The following TULP4 variants were observed in gnomAD, a reference collection of about 807,000 sequenced individuals.
TULP4 encodes the protein tubby-related protein 4.
A neutral mutation model predicts 129.0 loss-of-function variants in TULP4; 16 were observed. The observed-to-expected ratio is 0.12, with a 90% CI of 0.08 to 0.19. TULP4 has a LOEUF of 0.19. Among genes scored for constraint, TULP4 ranks in the 10% least tolerant of loss-of-function variants. The pLI is 1.00. For missense variants in TULP4, 1,842 were observed against 2,059.1 expected, an observed-to-expected ratio of 0.89 and a Z score of 2.04; for synonymous variants, 998 against 854.0, an observed-to-expected ratio of 1.17 and a Z score of -2.94.
In TULP4 at chr6:158,444,246, A is replaced by AAAT. The variant is rs1562568657; in HGVS notation, c.544-4750_544-4749insAAT. ...AAAAAAAAAAAAAAAAAAAAAAAAA[A>AAAT]TTTTTTTTTTTTTTTTTTTTAACTT... On this transcript the variant is annotated intron_variant, in intron 3 of 13. Transcript: ENST00000367097. Among the ~76,000 whole-genome samples the AAAT allele has an allele frequency of 7.8e-3, 676 of 86,700 alleles. 6 individuals are homozygous for AAAT. The highest frequency in any genetic ancestry group is 0.012 in the Non-Finnish European group (476 of 40,504). 56.9% of individuals were successfully genotyped at this position (86,700 alleles called of 152,430 possible). A position where few individuals can be genotyped will look rare whatever the true frequency, so the allele number is the denominator to read the frequency against.
chr6:158,446,611 T>G (rs1206861577), intron 3 of TULP4, among the ~76,000 whole-genome samples: 1 of 152,198 alleles, frequency 6.6e-6, no homozygotes, highest in Admixed American at 6.5e-5. Flanking sequence ...GAGGTACTGT[T>G]GAGCAAAGCT....
intron 1 of TULP4, among the ~76,000 whole-genome samples, chr6:158,349,325 G>A (rs1407852205): frequency 2.9e-5 from 4 of 137,450 alleles, no homozygotes. Context: ...CATCCCAGAT[G>A]GGGCGGCCGG....
intron 12 of TULP4, among the ~76,000 whole-genome samples, chr6:158,501,448 C>T (rs978009099): frequency 2.6e-5 from 4 of 152,138 alleles, no homozygotes; most frequent in East Asian, 1.9e-4. Flanking sequence ...GTGAGTTAGT[C>T]GAAAAGTTCT....
In TULP4 at chr6:158,312,622, A is replaced by G. The variant is rs1488784905; in HGVS notation, c.-1395A>G. The stretch of plus-strand genomic sequence containing the variant: ...TATGATGGGACAAGTTTGAATAATG[A>G]ACTGATTCCTTTGCCTATCTTAATT... On this transcript the variant is annotated 5_prime_UTR_variant, in exon 1 of 14. Transcript: ENST00000367097. 1 of 152,668 alleles carries G rather than the reference A, an allele frequency of 6.6e-6. No homozygotes were observed. Among genetic ancestry groups the G allele is most frequent in the Admixed American group, 6.5e-5 (1 of 15,308 alleles). 9.5% of individuals were successfully genotyped at this position (152,668 alleles called of 1,614,324 possible).
chr6:158,483,774 G>A (rs1780002296), intron 8 of TULP4, among the ~76,000 whole-genome samples: 1 of 152,138 alleles, frequency 6.6e-6, no homozygotes, highest in Non-Finnish European at 1.5e-5. Context: ...CATTAGGGCT[G>A]GGGTGGGGCC....
At chr6:158,475,759 G>T (rs1026721019) in intron 6 of TULP4, among the ~76,000 whole-genome samples, 1 of 152,220 alleles carries the variant, frequency 6.6e-6, no homozygotes, top group African/African-American at 2.4e-5. Context: ...CAGGACTAGC[G>T]TTAGTGAACG....
chr6:158,489,052 G>A (rs914330029), intron 8 of TULP4, among the ~76,000 whole-genome samples: 8 of 152,192 alleles, frequency 5.3e-5, no homozygotes, highest in South Asian at 2.1e-4. Context: ...TTTACCAGGC[G>A]GGAGAGCCAG....
chr6:158,257,815 A>G (rs1778276888), intron 1 of TULP4, among the ~76,000 whole-genome samples: 1 of 152,358 alleles, frequency 6.6e-6, no homozygotes, highest in Middle Eastern at 3.4e-3. Context: ...TACGAAATAG[A>G]GAACAACTCA....
chr6:158,493,693 G>A lies in TULP4; in HGVS notation c.1752G>A (p.Glu584=). 1 of 1,587,844 alleles carries A rather than the reference G, an allele frequency of 6.3e-7. No homozygotes were observed. Among genetic ancestry groups the A allele is most frequent in the Non-Finnish European group, 8.6e-7 (1 of 1,168,264 alleles). ...GCTCGCCCAGCCTGACTCGGAGAGA[G>A]TTTCCTTTTGAAGACATCACTCAGG... ...SVGSPSLTRR[E]FPFEDITQHN... Residue 584 remains glutamate (E), a synonymous_variant, in exon 10 of 14, where the codon GAG becomes GAA. Coordinates refer to ENST00000367097, the MANE Select transcript of TULP4 (RefSeq NM_020245.5). The surrounding 1 kb of genome is among the most constrained non-coding windows in gnomAD (Gnocchi z 4.4).
chr6:158,318,230 C>T (rs139946874), intron 1 of TULP4, among the ~76,000 whole-genome samples: 2,006 of 152,178 alleles, frequency 0.013, 50 homozygotes, highest in Admixed American at 0.057. Flanking sequence ...GAAGCTGAGG[C>T]GGGAAGATTG....
Position 158,479,843 on chromosome 6 carries a change from G to A in TULP4, c.1119G>A (p.Arg373=). The change falls in exon 7 of 14, where the codon CGG becomes CGA. Residue 373 remains arginine, a synonymous_variant. Coordinates refer to ENST00000367097, the MANE Select transcript of TULP4 (RefSeq NM_020245.5). ...TGTACGTGGTGCGTGTGGAGCACCG[G>A]GTGTCCAGCCTGCAGCTGCTGTGCC... ...PALYVVRVEH[R]VSSLQLLCQQ... is the part of the protein sequence containing the mutation. 6.2e-7 allele frequency: 1 copy of A among 1,613,974 alleles called. No homozygotes were observed. Among genetic ancestry groups the A allele is most frequent in the Non-Finnish European group, 8.5e-7 (1 of 1,180,010 alleles).
chr6:158,237,902 C>T, intron 1 of TULP4: 1 of 738,978 alleles, frequency 1.4e-6, no homozygotes, highest in Non-Finnish European at 2.5e-6. Context: ...GTATGAATAT[C>T]TTTTGGATTT....
chr6:158,474,378 G>T (rs560053580), intron 6 of TULP4, among the ~76,000 whole-genome samples: 228 of 152,298 alleles, frequency 1.5e-3, no homozygotes, highest in African/African-American at 5.1e-3. Flanking sequence ...GCACTGCCTG[G>T]TTTTCCCTGT....
chr6:158,479,672 G>A (rs1365492946), intron 6 of TULP4, 79 bp from the exon 7 acceptor site: 11 of 1,356,458 alleles, frequency 8.1e-6, no homozygotes, highest in East Asian at 7.1e-5. Context: ...TATTTTGCTC[G>A]AGACAAGTGT....
In TULP4 at chr6:158,474,053, T is replaced by C. The variant is rs140262947; in HGVS notation, c.1027-5698T>C. Among the ~76,000 whole-genome samples the C allele has an allele frequency of 8.1e-4, 122 of 150,248 alleles. 1 individual carries two copies. The highest frequency in any genetic ancestry group is 2.8e-3 in the African/African-American group (115 of 40,556). On this transcript the variant is annotated intron_variant, in intron 6 of 13. Coordinates refer to ENST00000367097, the MANE Select transcript of TULP4 (RefSeq NM_020245.5). The stretch of plus-strand genomic sequence containing the variant: ...CCAAGCTGGTCTTGAATTCCTTGCC[T>C]CAAGCAATCTTCCTGCCTCAGCCTC...
intron 13 of TULP4, among the ~76,000 whole-genome samples, chr6:158,505,572 G>A (rs562317718): frequency 8.5e-5 from 13 of 152,370 alleles, no homozygotes; most frequent in African/African-American, 3.1e-4. Context: ...TCAGGGCAGT[G>A]AGGAAGACAG....
intron 4 of TULP4, among the ~76,000 whole-genome samples, chr6:158,449,913 T>C (rs1779129852): frequency 6.6e-6 from 1 of 152,214 alleles, no homozygotes; most frequent in Non-Finnish European, 1.5e-5. Context: ...ATTGTACATA[T>C]TCATGAGCTA....
chr6:158,326,883 G>A (rs769729359), intron 1 of TULP4, among the ~76,000 whole-genome samples: 1 of 151,970 alleles, frequency 6.6e-6, no homozygotes, highest in Non-Finnish European at 1.5e-5. Context: ...AATCAAATAC[G>A]GATCAAAAAT....
intron 1 of TULP4, among the ~76,000 whole-genome samples, chr6:158,292,231 G>T (rs79022345): frequency 0.031 from 4,671 of 152,262 alleles, 280 homozygotes; most frequent in Admixed American, 0.16. Flanking sequence ...CCAAAGTCTC[G>T]ATATCTGATA....
Sources: gnomAD v4.1 joint callset for allele counts (sites outside exome capture counted in the v4.1 genomes callset) on GRCh38, gnomAD v4.1.1 for gene constraint, Gnocchi (gnomAD v3.1) non-coding constraint, MANE v1.5 for transcripts, NCBI Gene and HGNC (gene_info 2026-07-23, HGNC 2026-07-21) for gene names.